The following IGSF10 variants were observed in gnomAD, a reference collection of about 807,000 sequenced individuals.
IGSF10 encodes immunoglobulin superfamily member 10, also known as calvaria mechanical force protein 608.
Under a neutral mutation model 128.2 loss-of-function variants are expected in IGSF10, and 126 were observed. The ratio of observed to expected loss-of-function variants is 0.98; its 90% CI spans 0.85 to 1.14. The LOEUF is 1.14. IGSF10 is among the 50% of genes most tolerant of loss of function. The pLI is 0.00. For synonymous variants in IGSF10, 1,185 were observed against 1,146.2 expected (o/e 1.03, Z -0.68); for missense variants, 3,295 against 3,149.8 (o/e 1.05, Z -1.10).
At chr3:151,597,942 C>A in the IGSF10 span, among the ~76,000 whole-genome samples, 1 of 151,376 alleles carries the variant, frequency 6.6e-6, no homozygotes, top group Non-Finnish European at 1.5e-5. Flanking sequence ...ACAACAACAA[C>A]CCTACACAAC....
intron 4 of IGSF10, among the ~76,000 whole-genome samples, chr3:151,455,614 T>G (rs1338670264): frequency 6.6e-6 from 1 of 152,210 alleles, no homozygotes; most frequent in African/African-American, 2.4e-5. Context: ...CAAAATGTTT[T>G]CAAGACCTGT....
In IGSF10 at chr3:151,442,364, T is replaced by C. The variant is rs527486473; in HGVS notation, c.5963+620A>G. ...GTTTTGTTTACAGAGAGTGTGAATA[T>C]ATTTATACAATTACTATTTTTTTTT... On this transcript the variant is annotated intron_variant, in intron 7 of 7. Coordinates refer to ENST00000282466, the MANE Select transcript of IGSF10 (RefSeq NM_178822.5). 2.0e-5 allele frequency among the ~76,000 whole-genome samples: 3 copies of C among 148,594 alleles called. No homozygotes were observed. In the East Asian group the frequency reaches 5.9e-4, roughly 29 times the overall value.
chr3:151,534,397 A>T, the IGSF10 span, among the ~76,000 whole-genome samples: 659 of 152,338 alleles, frequency 4.3e-3, 6 homozygotes, highest in African/African-American at 0.015. Context: ...AAGACTTGGA[A>T]CCAACCCAAA....
chr3:151,584,636 A>G, the IGSF10 span, among the ~76,000 whole-genome samples: 2 of 152,210 alleles, frequency 1.3e-5, no homozygotes, highest in African/African-American at 4.8e-5. Flanking sequence ...AAGGCAGGGA[A>G]AAGAGTTGAG....
chr3:151,492,077 A>C, the IGSF10 span, among the ~76,000 whole-genome samples: 1 of 152,340 alleles, frequency 6.6e-6, no homozygotes, highest in African/African-American at 2.4e-5. Flanking sequence ...GGCAACCTAC[A>C]GACTGGAAAA....
At chr3:151,461,116 CGG>C (rs1722040990), upstream of IGSF10, 1 of 985,158 alleles carries the variant, frequency 1.0e-6, no homozygotes, top group African/African-American at 1.7e-5. Context: ...GGGACGCGGC[CGG>C]GGCTCAGCAG....
the IGSF10 span, among the ~76,000 whole-genome samples, chr3:151,477,559 G>T: frequency 2.0e-5 from 3 of 152,112 alleles, no homozygotes; most frequent in South Asian, 6.2e-4. Context: ...TTCTTCTCTT[G>T]AAATAAGCTA....
At chr3:151,486,033 G>C in the IGSF10 span, among the ~76,000 whole-genome samples, 3 of 152,054 alleles carry the variant, frequency 2.0e-5, no homozygotes, top group Admixed American at 6.5e-5. Flanking sequence ...AAGACCCATC[G>C]GTGTGTTGTA....
At chr3:151,607,225 A>C in the IGSF10 span, among the ~76,000 whole-genome samples, 1 of 152,212 alleles carries the variant, frequency 6.6e-6, no homozygotes, top group African/African-American at 2.4e-5. Flanking sequence ...GCAGTAATCA[A>C]GTGAGGGATA....
At chr3:151,572,686 A>T in the IGSF10 span, among the ~76,000 whole-genome samples, 103,248 of 152,000 alleles carry the variant, frequency 0.68, 35,103 homozygotes, top group South Asian at 0.74. Flanking sequence ...GATTCATTAA[A>T]TTTTTGAAGG....
chr3:151,460,136 G>T (rs147697401), intron 2 of IGSF10, 125 bp downstream of exon 2: 3 of 162,434 alleles, frequency 1.8e-5, no homozygotes, highest in African/African-American at 7.2e-5. Flanking sequence ...TTAAATAAAA[G>T]TTCTGGGTAT....
At chr3:151,510,214 G>A in the IGSF10 span, among the ~76,000 whole-genome samples, 2 of 152,224 alleles carry the variant, frequency 1.3e-5, no homozygotes, top group African/African-American at 2.4e-5. Context: ...GCCTAACTGG[G>A]AGGCAACCCC....
chr3:151,511,068 A>G, the IGSF10 span, among the ~76,000 whole-genome samples: 1 of 152,202 alleles, frequency 6.6e-6, no homozygotes, highest in Admixed American at 6.5e-5. Flanking sequence ...GAACTTCCCC[A>G]ATCTAGCAAG....
At chr3:151,584,534 A>G in the IGSF10 span, among the ~76,000 whole-genome samples, 4 of 152,154 alleles carry the variant, frequency 2.6e-5, no homozygotes, top group African/African-American at 9.7e-5. Flanking sequence ...AGGGGCTTAG[A>G]TCAGGTTCCC....
chr3:151,575,272 C>T, the IGSF10 span, among the ~76,000 whole-genome samples: 2 of 152,162 alleles, frequency 1.3e-5, no homozygotes, highest in South Asian at 2.1e-4. Context: ...CAGACAGGGA[C>T]GTTTAAGTCT....
chr3:151,499,912 C>T, the IGSF10 span: 2 of 152,000 alleles, frequency 1.3e-5, no homozygotes, highest in Non-Finnish European at 2.9e-5. Context: ...TAATGATGAG[C>T]GACTTGGTGT....
the IGSF10 span, among the ~76,000 whole-genome samples, chr3:151,533,300 G>GA: frequency 5.3e-4 from 81 of 152,022 alleles, no homozygotes; most frequent in African/African-American, 1.8e-3. Context: ...CACAGAATTG[G>GA]AAAAAACTAC....
chr3:151,614,232 C>A, the IGSF10 span, among the ~76,000 whole-genome samples: 4 of 152,196 alleles, frequency 2.6e-5, no homozygotes, highest in East Asian at 3.9e-4. Flanking sequence ...GGGACTGTAA[C>A]CTAGTTCAAT....
downstream of IGSF10, chr3:151,434,378 A>C (rs776722066): frequency 6.6e-6 from 1 of 152,208 alleles, no homozygotes; most frequent in African/African-American, 2.4e-5. Flanking sequence ...TTGCTGTGGC[A>C]ACATCCATGT....
Sources: allele counts gnomAD v4.1 joint callset (sites outside exome capture counted in the v4.1 genomes callset), GRCh38; gene constraint gnomAD v4.1.1; transcripts MANE v1.5; gene names NCBI Gene and HGNC (gene_info 2026-07-23, HGNC 2026-07-21).